OTUD4: variants seen among roughly 807,000 people sequenced by gnomAD.
OTUD4 encodes the protein OTU domain-containing protein 4.
In OTUD4, 24 loss-of-function variants were observed where a neutral mutation model predicts 130.4. That is an observed-to-expected ratio of 0.18 (90% CI 0.13 to 0.26). OTUD4 has a LOEUF of 0.26. Among genes scored for constraint, OTUD4 ranks in the 10% least tolerant of loss-of-function variants. OTUD4 has a pLI of 1.00. For missense variants in OTUD4, 1,031 were observed against 1,329.4 expected (o/e 0.78, Z 3.49); for synonymous variants, 420 against 472.5 (o/e 0.89, Z 1.44).
chr4:145,179,421 T>C (rs1325160555), intron 1 of OTUD4, among the ~76,000 whole-genome samples: 3 of 152,090 alleles, frequency 2.0e-5, no homozygotes, highest in African/African-American at 7.2e-5. Flanking sequence ...TAGTAAACAC[T>C]TGGTTTACTG....
intron 4 of OTUD4, among the ~76,000 whole-genome samples, chr4:145,164,797 T>G (rs2126790150): frequency 1.3e-5 from 2 of 152,188 alleles, no homozygotes; most frequent in Admixed American, 1.3e-4. Flanking sequence ...TCATTTCAGA[T>G]AAGGAATACC....
chr4:145,179,976 T>G lies in OTUD4; in HGVS notation c.-3A>C. 1.4e-5 allele frequency: 21 copies of G among 1,504,810 alleles called. No individual in the cohort carries two copies. Among genetic ancestry groups the G allele is most frequent in the Non-Finnish European group, 1.8e-5 (21 of 1,135,444 alleles). The allele number at this position is 1,504,810 out of a possible 1,614,324, so 93.2% of individuals were successfully genotyped here. On this transcript the variant is annotated 5_prime_UTR_variant, in exon 1 of 21. Coordinates refer to ENST00000447906, the MANE Select transcript of OTUD4 (RefSeq NM_001366057.1). Reference sequence around the variant, plus strand: ...GGGACGCCGACGGCAGCCTCCATGTTGCTGGTCCTGCTGCAGGCCAGGCGC... The same window carrying G: ...GGGACGCCGACGGCAGCCTCCATGTGGCTGGTCCTGCTGCAGGCCAGGCGC...
intron 10 of OTUD4, among the ~76,000 whole-genome samples, chr4:145,154,335 C>A (rs1374524264): frequency 6.6e-6 from 1 of 152,210 alleles, no homozygotes; most frequent in Non-Finnish European, 1.5e-5. Flanking sequence ...TTAAATACCC[C>A]AGAACCAGAA....
intron 1 of OTUD4, among the ~76,000 whole-genome samples, chr4:145,179,305 TTG>T (rs1481052180): frequency 1.3e-5 from 2 of 152,180 alleles, no homozygotes; most frequent in African/African-American, 4.8e-5. Context: ...AAACGGCAGT[TTG>T]CCCATTTGAT....
At chr4:145,148,385 G>T (rs900454593) in intron 13 of OTUD4, among the ~76,000 whole-genome samples, 1 of 152,024 alleles carries the variant, frequency 6.6e-6, no homozygotes, top group African/African-American at 2.4e-5. Context: ...TATAATCCCA[G>T]CTACTTGGGA....
At chr4:145,174,532 T>G in intron 2 of OTUD4, 129 bp downstream of exon 2, 4 of 594,080 alleles carry the variant, frequency 6.7e-6, no homozygotes, top group South Asian at 2.1e-5. Context: ...ATAGAGAAGT[T>G]TTTTTAATAA....
At chr4:145,142,054 G>A in intron 18 of OTUD4, 142 bp downstream of exon 18, 1 of 720,292 alleles carries the variant, frequency 1.4e-6, no homozygotes, top group Non-Finnish European at 2.4e-6. Flanking sequence ...ATTGGAAGCA[G>A]AGCAAAGCAG....
chr4:145,164,010 AG>A, intron 5 of OTUD4, 143 bp downstream of exon 5: 1 of 521,296 alleles, frequency 1.9e-6, no homozygotes, highest in Admixed American at 3.8e-5. Context: ...ACCCGGCTAT[AG>A]GAACTTTTAA....
rs1750602446 is a variant in OTUD4, at chr4:145,142,315, G to A, written c.1703C>T (p.Ser568Phe). Residue 568 changes from serine to phenylalanine, a missense_variant, in exon 18 of 21, where the codon TCT becomes TTT. Physicochemically the swap from Ser to Phe is radical, Grantham distance 155. Around this residue, in one of 3 missense-constraint regions of OTUD4, gnomAD observed 900 missense variants for 1,095.9 expected, o/e 0.82. Coordinates refer to ENST00000447906, the MANE Select transcript of OTUD4 (RefSeq NM_001366057.1). ...TAGAAGGGGAGCTGGATTTGACAAA[G>A]ACACATGTTCTGCTGGCTTCTTCAA... ...PAEQKPAEHV[S>F]LSNPAPLLVS... The A allele has an allele frequency of 6.2e-7, 1 of 1,613,870 alleles. No individual in the cohort carries two copies. Among genetic ancestry groups the A allele is most frequent in the African/African-American group, 1.3e-5 (1 of 74,916 alleles).
intron 3 of OTUD4, among the ~76,000 whole-genome samples, chr4:145,166,215 T>G (rs1349302725): frequency 6.7e-6 from 1 of 148,788 alleles, no homozygotes; most frequent in Non-Finnish European, 1.5e-5. Context: ...AATTGGGAAG[T>G]ATAGAAAAGG....
At chr4:145,155,793 T>C in intron 8 of OTUD4, 107 bp from the exon 9 acceptor site, 2 of 1,006,402 alleles carry the variant, frequency 2.0e-6, no homozygotes, top group South Asian at 1.6e-5. Flanking sequence ...CTTCAAAAAA[T>C]TAGGAAGCCA....
At chr4:145,176,698 CAA>C (rs1025486628) in intron 1 of OTUD4, among the ~76,000 whole-genome samples, 1 of 144,430 alleles carries the variant, frequency 6.9e-6, no homozygotes, top group Admixed American at 6.9e-5. Context: ...GACTCTGTCT[CAA>C]AAAAAAAAAG....
At chr4:145,166,787 C>T (rs13138494) in intron 3 of OTUD4, among the ~76,000 whole-genome samples, 35,834 of 152,064 alleles carry the variant, frequency 0.24, 5,320 homozygotes, top group East Asian at 0.45. Context: ...TCGAGTAAGC[C>T]GAGATCGCGC....
chr4:145,175,220 A>C (rs371847950), intron 1 of OTUD4, among the ~76,000 whole-genome samples: 12 of 152,244 alleles, frequency 7.9e-5, no homozygotes, highest in Non-Finnish European at 1.8e-4. Context: ...ATCCACTTAG[A>C]GGCTCTGTGT....
intron 6 of OTUD4, among the ~76,000 whole-genome samples, chr4:145,160,531 G>C (rs1751505180): frequency 6.6e-6 from 1 of 152,158 alleles, no homozygotes; most frequent in African/African-American, 2.4e-5. Flanking sequence ...TCAACAATGG[G>C]GCCAGGTGTG....
At chr4:145,156,376 C>T (rs888939489) in intron 7 of OTUD4, among the ~76,000 whole-genome samples, 4 of 152,154 alleles carry the variant, frequency 2.6e-5, no homozygotes, top group Non-Finnish European at 5.9e-5. Context: ...GATTCGACAA[C>T]CCTTTTATTA....
chr4:145,174,518 T>C, intron 2 of OTUD4, 143 bp downstream of exon 2: 1 of 582,814 alleles, frequency 1.7e-6, no homozygotes. Flanking sequence ...CTAGATTAAG[T>C]TCAATAGAGA....
At chr4:145,152,948 T>C (rs1751134273) in intron 10 of OTUD4, among the ~76,000 whole-genome samples, 1 of 151,824 alleles carries the variant, frequency 6.6e-6, no homozygotes, top group Non-Finnish European at 1.5e-5. Flanking sequence ...TTGGCCAGCC[T>C]GGTCTCAAAC....
intron 14 of OTUD4, among the ~76,000 whole-genome samples, chr4:145,145,656 A>T (rs953289770): frequency 3.9e-5 from 6 of 152,226 alleles, no homozygotes; most frequent in Admixed American, 3.9e-4. Context: ...ATGAGAATGA[A>T]TTAGGTACCC....
Sources: gnomAD v4.1 joint callset for allele counts (sites outside exome capture counted in the v4.1 genomes callset) on GRCh38, gnomAD v4.1.1 for gene constraint, gnomAD v4.1.1 regional missense constraint, MANE v1.5 for transcripts, NCBI Gene and HGNC (gene_info 2026-07-23, HGNC 2026-07-21) for gene names.